Variants in FAM181A observed in about 807,000 individuals in gnomAD.
FAM181A encodes the protein protein FAM181A.
A neutral mutation model predicts 16.3 loss-of-function variants in FAM181A; 7 were observed. The observed-to-expected ratio is 0.43, with a 90% CI of 0.24 to 0.81. The LOEUF (loss-of-function observed/expected upper bound fraction) is 0.81. Ranked by LOEUF, FAM181A falls within the 30% of genes least tolerant of loss-of-function variation. The pLI, the probability that FAM181A is intolerant of heterozygous loss-of-function variation, is 0.24. For missense variants in FAM181A, 349 were observed against 377.5 expected (o/e 0.92, Z 0.63); for synonymous variants, 183 against 164.9 (o/e 1.11, Z -0.84).
At position 93,929,096 on chromosome 14, in the gene FAM181A, G is replaced by T; in HGVS notation, c.811G>T (p.Val271Leu). The change falls in exon 2 of 2, where the codon GTG (valine) becomes TTG (leucine). Residue 271 changes from valine to leucine, a missense_variant. Val to Leu is a conservative substitution (Grantham distance 32). Transcript: ENST00000556222. ...GLGQKVCRPV[V>L]LKPIPTKPAV... Reference sequence around the variant, plus strand: ...GGGGCAGAAGGTGTGCAGGCCCGTGGTGCTGAAACCCATCCCCACCAAGCC... The same window carrying T: ...GGGGCAGAAGGTGTGCAGGCCCGTGTTGCTGAAACCCATCCCCACCAAGCC... 1 of 1,544,018 alleles carries T rather than the reference G, an allele frequency of 6.5e-7. No homozygotes were observed. The highest frequency in any genetic ancestry group is 8.7e-7 in the Non-Finnish European group (1 of 1,145,678).
At chr14:93,918,914 T>C (rs921282320) in exon 1 of FAM181A, 1 of 152,150 alleles carries the variant, frequency 6.6e-6, no homozygotes. Context: ...GAGATGACAG[T>C]TGAGATCAAA....
rs759610942 is a variant in FAM181A, at chr14:93,929,116, C to G, written c.831C>G (p.Thr277=). 11 of 1,527,626 alleles carry G rather than the reference C, an allele frequency of 7.2e-6. No homozygotes were observed. In the African/African-American group the frequency reaches 1.2e-4, roughly 17 times the overall value. 94.6% of individuals were successfully genotyped at this position (1,527,626 alleles called of 1,614,324 possible). Residue 277 remains threonine (T), a synonymous_variant, in exon 2 of 2, where the codon ACC becomes ACG. Transcript: ENST00000556222. ...CCGTGGTGCTGAAACCCATCCCCACCAAGCCAGCCGTGCCCCCACCCATCT... is the reference window on the plus strand; with the variant it reads ...CCGTGGTGCTGAAACCCATCCCCACGAAGCCAGCCGTGCCCCCACCCATCT... The part of the protein sequence containing the change: ...CRPVVLKPIP[T]KPAVPPPIFN...
At chr14:93,919,434 T>TC (rs1887643227) in intron 1 of FAM181A, among the ~76,000 whole-genome samples, 1 of 152,210 alleles carries the variant, frequency 6.6e-6, no homozygotes, top group Admixed American at 6.5e-5. Context: ...TGCCTCAGTG[T>TC]CCTCATTTGT....
chr14:93,928,521 T>C lies in FAM181A; in HGVS notation c.236T>C (p.Leu79Pro). ...GGGTCTGAGGACCGGCCCAGGAGGC[T>C]GCTCCTGGATTTGGGCCCTGATTCC... The part of the protein sequence containing the change: ...KRGSEDRPRR[L>P]LLDLGPDSSP... The change falls in exon 2 of 2, where the codon CTG becomes CCG. Residue 79 changes from leucine to proline, a missense_variant. Coordinates refer to ENST00000556222, the MANE Select transcript of FAM181A (RefSeq NM_001207073.2). 1 of 1,611,434 alleles carries C rather than the reference T, an allele frequency of 6.2e-7. No individual in the cohort carries two copies. Among genetic ancestry groups the C allele is most frequent in the Non-Finnish European group, 8.5e-7 (1 of 1,178,144 alleles).
At chr14:93,927,718 C>A in intron 1 of FAM181A, 1 of 1,056,758 alleles carries the variant, frequency 9.5e-7, no homozygotes, top group Admixed American at 3.0e-5. Context: ...GGGGCTGGTG[C>A]TCCTCGTGCT....
intron 1 of FAM181A, chr14:93,927,732 GGCAGGAGTGGT>G: frequency 9.5e-7 from 1 of 1,052,734 alleles, no homozygotes. Context: ...TCGTGCTGGG[GGCAGGAGTGGT>G]GGGAGGGGGA....
upstream of FAM181A, among the ~76,000 whole-genome samples, chr14:93,924,748 T>C (rs1887839700): frequency 1.3e-5 from 2 of 152,198 alleles, no homozygotes; most frequent in Non-Finnish European, 2.9e-5. Context: ...CAGGAGGCAA[T>C]GTGGCCAGGC....
At position 93,929,256 on chromosome 14, in the gene FAM181A, G is replaced by A; in HGVS notation, c.*92G>A. 3 of 1,452,944 alleles carry A rather than the reference G, an allele frequency of 2.1e-6. No homozygotes were observed. The Admixed American group carries it at 6.9e-5, about 34-fold the overall frequency. 90.0% of individuals were successfully genotyped at this position (1,452,944 alleles called of 1,614,324 possible). The stretch of plus-strand genomic sequence containing the variant: ...CCTGTGAGGAGGTGGCTGGGCCACA[G>A]TGTGGCCTCTTCCGTTTGTGTGCGC... On this transcript the variant is annotated 3_prime_UTR_variant, in exon 2 of 2. Transcript: ENST00000556222.
intron 1 of FAM181A, chr14:93,927,685 G>T: frequency 8.0e-7 from 1 of 1,252,778 alleles, no homozygotes; most frequent in Non-Finnish European, 1.0e-6. Flanking sequence ...AGAGCTGGGG[G>T]TGGAGCGTGG....
chr14:93,928,540 T>C lies in FAM181A; in HGVS notation c.255T>C (p.Pro85=). 6.2e-7 allele frequency: 1 copy of C among 1,612,392 alleles called. No individual in the cohort carries two copies. The highest frequency in any genetic ancestry group is 2.2e-5 in the East Asian group (1 of 44,836). The change falls in exon 2 of 2, where the codon CCT becomes CCC. Residue 85 remains proline (P), a synonymous_variant. Transcript: ENST00000556222. ...GGAGGCTGCTCCTGGATTTGGGCCC[T>C]GATTCCAGCCCCGGCGGGGGTGGGG... ...RPRRLLLDLG[P]DSSPGGGGGC... is the part of the protein sequence containing the mutation.
rs1887949677 is a variant in FAM181A at position 93,927,383 on chromosome 14, G to A, written c.-159G>A. 3.2e-5 allele frequency: 36 copies of A among 1,142,152 alleles called. No individual in the cohort carries two copies. Among genetic ancestry groups the A allele is most frequent in the Non-Finnish European group, 3.9e-5 (36 of 917,114 alleles). 70.8% of individuals were successfully genotyped at this position (1,142,152 alleles called of 1,614,324 possible). On this transcript the variant is annotated 5_prime_UTR_variant, in exon 1 of 2. Transcript: ENST00000556222. Reference sequence around the variant, plus strand: ...AGCCGGACGGAGCTCGGCCGGCTGCGCCGGGGCCTGTCCCAGGTCTGCAGT... The same window carrying A: ...AGCCGGACGGAGCTCGGCCGGCTGCACCGGGGCCTGTCCCAGGTCTGCAGT...
chr14:93,927,444 C>T lies in FAM181A; in HGVS notation c.-98C>T. ...CCGGGCCACGTTGGTGGGGCCTGGG[C>T]CGCACCTTCGGTCAGTGTGGAGGCC... On this transcript the variant is annotated 5_prime_UTR_variant, in exon 1 of 2. Coordinates refer to ENST00000556222, the MANE Select transcript of FAM181A (RefSeq NM_001207073.2). 8.2e-7 allele frequency: 1 copy of T among 1,222,234 alleles called. No homozygotes were observed. The highest frequency in any genetic ancestry group is 1.1e-6 in the Non-Finnish European group (1 of 950,358). The allele number at this position is 1,222,234 out of a possible 1,614,324, so 75.7% of individuals were successfully genotyped here.
In FAM181A at chr14:93,929,313, T is replaced by A; in HGVS notation, c.*149T>A. The stretch of plus-strand genomic sequence containing the variant: ...GTGGAGGGCAGGATTGGGGCAGGGC[T>A]CCTCAGGCAGTGACCCTTCAGCCTT... On this transcript the variant is annotated 3_prime_UTR_variant, in exon 2 of 2. Transcript: ENST00000556222. The A allele has an allele frequency of 1.8e-6, 2 of 1,113,888 alleles. No homozygotes were observed. The highest frequency in any genetic ancestry group is 2.4e-6 in the Non-Finnish European group (2 of 830,158). 69.0% of individuals were successfully genotyped at this position (1,113,888 alleles called of 1,614,324 possible).
rs1338217823 is a variant in FAM181A, at chr14:93,928,936, G to A, written c.651G>A (p.Gln217=). 1 of 1,614,112 alleles carries A rather than the reference G, an allele frequency of 6.2e-7. No homozygotes were observed. The highest frequency in any genetic ancestry group is 1.7e-5 in the Admixed American group (1 of 60,034). Residue 217 remains glutamine (Q), a synonymous_variant, in exon 2 of 2, where the codon CAG becomes CAA. Coordinates refer to ENST00000556222, the MANE Select transcript of FAM181A (RefSeq NM_001207073.2). ...ATGCCTGGAGTTGCTGCCCCTTCCA[G>A]TACCATGGACAGCCCATCTATCCGG... ...RVNAWSCCPF[Q]YHGQPIYPGP...
chr14:93,922,902 G>A (rs982732840), upstream of FAM181A, among the ~76,000 whole-genome samples: 7 of 152,120 alleles, frequency 4.6e-5, no homozygotes, highest in Admixed American at 3.9e-4. Flanking sequence ...ATAAGTAGAA[G>A]GTATGCATTT....
chr14:93,925,003 CT>C, upstream of FAM181A: 1 of 486,910 alleles, frequency 2.1e-6, no homozygotes, highest in South Asian at 2.9e-5. Flanking sequence ...TCTCCCTTTC[CT>C]TTCTCTCTTC....
chr14:93,925,754 G>A (rs1440951502), upstream of FAM181A, among the ~76,000 whole-genome samples: 7 of 151,980 alleles, frequency 4.6e-5, no homozygotes, highest in Non-Finnish European at 8.8e-5. Flanking sequence ...CAGCAGGGTA[G>A]GGGCATGGAG....
chr14:93,919,834 G>C (rs1001996268), intron 1 of FAM181A, among the ~76,000 whole-genome samples: 6 of 152,124 alleles, frequency 3.9e-5, no homozygotes, highest in African/African-American at 1.4e-4. Flanking sequence ...GCAGTGCTGA[G>C]AGGAAATTTT....
At chr14:93,925,721 C>T (rs758251304), upstream of FAM181A, among the ~76,000 whole-genome samples, 6 of 151,680 alleles carry the variant, frequency 4.0e-5, no homozygotes, top group Admixed American at 3.9e-4. Context: ...ACTTCCATCT[C>T]GGTCCACACT....
Sources: gnomAD v4.1 joint callset for allele counts (sites outside exome capture counted in the v4.1 genomes callset) on GRCh38, gnomAD v4.1.1 for gene constraint, MANE v1.5 for transcripts, NCBI Gene and HGNC (gene_info 2026-07-23, HGNC 2026-07-21) for gene names.